The following DLC1 variants were observed in gnomAD, a reference collection of about 807,000 sequenced individuals.
The protein encoded by DLC1 is DLC1 Rho GTPase activating protein.
DLC1 carries 54 observed loss-of-function variants against 140.3 expected under a neutral mutation model. The ratio of observed to expected loss-of-function variants is 0.38; its 90% CI spans 0.31 to 0.48. DLC1 has a LOEUF of 0.48. Among genes scored for constraint, DLC1 ranks in the 20% least tolerant of loss-of-function variants. The pLI is 0.96. For missense variants in DLC1, 2,536 were observed against 1,907.0 expected, an observed-to-expected ratio of 1.33 and a Z score of -6.14; for synonymous variants, 986 against 728.1, an observed-to-expected ratio of 1.35 and a Z score of -5.70.
rs1196494187 is a variant in DLC1 at position 13,312,594 on chromosome 8, C to G, written c.1315-7292G>C. ...AGAATTTAATAAATCATGTCTTTCT[C>G]TATGTTACTATTAAAGTTTATTCCA... On this transcript the variant is annotated intron_variant, in intron 4 of 17. Coordinates refer to ENST00000276297, the MANE Select transcript of DLC1 (RefSeq NM_182643.3). Among the ~76,000 whole-genome samples, 4 of 151,896 alleles carry G rather than the reference C, an allele frequency of 2.6e-5. No individual in the cohort carries two copies. In the East Asian group the frequency reaches 5.8e-4, roughly 22 times the overall value.
At position 13,221,724 on chromosome 8, in the gene DLC1, G is replaced by GTA. The variant is rs1311540477; in HGVS notation, c.1348+83544_1348+83545insTA. On this transcript the variant is annotated intron_variant, in intron 5 of 17. Transcript: ENST00000276297. ...TATGTGTGTGTATATGTGTGTGTGTGTGTATATATATATATATATATGATA... is the reference window on the plus strand; with the variant it reads ...TATGTGTGTGTATATGTGTGTGTGTGTATGTATATATATATATATATATGATA... Among the ~76,000 whole-genome samples, 918 of 132,950 alleles carry GTA rather than the reference G, an allele frequency of 6.9e-3. 3 individuals are homozygous for GTA. The highest frequency in any genetic ancestry group is 0.015 in the Middle Eastern group (4 of 268). 87.2% of individuals were successfully genotyped at this position (132,950 alleles called of 152,430 possible).
intron 2 of DLC1, among the ~76,000 whole-genome samples, chr8:13,428,518 A>G (rs1585091453): frequency 6.6e-6 from 1 of 152,284 alleles, no homozygotes; most frequent in South Asian, 2.1e-4. Flanking sequence ...GATTTAACCA[A>G]TCATTTCTCG....
intron 4 of DLC1, among the ~76,000 whole-genome samples, chr8:13,371,385 CTCTCTG>C (rs779938640): frequency 1.3e-5 from 2 of 151,978 alleles, no homozygotes; most frequent in Non-Finnish European, 2.9e-5. Flanking sequence ...CTGTTTCTAT[CTCTCTG>C]TCTCTGTCTC....
intron 1 of DLC1, among the ~76,000 whole-genome samples, chr8:13,592,731 G>C (rs1458196559): frequency 2.0e-5 from 3 of 152,094 alleles, no homozygotes; most frequent in African/African-American, 7.2e-5. Context: ...GCAGTGTTCA[G>C]CAGAGGACAC....
At chr8:13,440,007 A>G (rs900139427) in intron 2 of DLC1, among the ~76,000 whole-genome samples, 2 of 152,192 alleles carry the variant, frequency 1.3e-5, no homozygotes, top group African/African-American at 4.8e-5. Flanking sequence ...AAGCCTATTC[A>G]CTGAACATTC....
At chr8:13,541,843 C>T (rs1803496565) in intron 1 of DLC1, among the ~76,000 whole-genome samples, 1 of 152,178 alleles carries the variant, frequency 6.6e-6, no homozygotes, top group South Asian at 2.1e-4. Context: ...ACCACCTCAC[C>T]CAGCTGATTT....
intron 4 of DLC1, among the ~76,000 whole-genome samples, chr8:13,327,406 A>G (rs1176237863): frequency 6.6e-6 from 1 of 151,536 alleles, no homozygotes; most frequent in East Asian, 1.9e-4. Context: ...ACATTTTGCT[A>G]GTGTTTTGTG....
At chr8:13,559,330 C>T (rs1426778609) in intron 1 of DLC1, 1 of 152,200 alleles carries the variant, frequency 6.6e-6, no homozygotes, top group East Asian at 1.9e-4. Flanking sequence ...GCATGGAAGG[C>T]TCTAAAGAAA....
chr8:13,279,079 C>T (rs527752773), intron 5 of DLC1, among the ~76,000 whole-genome samples: 1 of 152,138 alleles, frequency 6.6e-6, no homozygotes, highest in Non-Finnish European at 1.5e-5. Flanking sequence ...TAGGCTCAGT[C>T]GATACTAAGC....
intron 1 of DLC1, among the ~76,000 whole-genome samples, chr8:13,527,423 T>C (rs527385379): frequency 6.6e-6 from 1 of 152,318 alleles, no homozygotes; most frequent in Non-Finnish European, 1.5e-5. Flanking sequence ...GTTAGACAAA[T>C]GTTGCATTCC....
chr8:13,104,141 A>G (rs1020785408), intron 7 of DLC1, among the ~76,000 whole-genome samples: 1 of 152,262 alleles, frequency 6.6e-6, no homozygotes, highest in Middle Eastern at 3.4e-3. Context: ...AATGTGTGCT[A>G]TAGTCACGGC....
At chr8:13,512,933 T>C (rs1802441455) in intron 1 of DLC1, among the ~76,000 whole-genome samples, 1 of 151,356 alleles carries the variant, frequency 6.6e-6, no homozygotes, top group Non-Finnish European at 1.5e-5. Context: ...AGGATTTTTT[T>C]CCCCACATAA....
intron 2 of DLC1, among the ~76,000 whole-genome samples, chr8:13,422,679 T>A (rs1838372514): frequency 6.6e-6 from 1 of 152,116 alleles, no homozygotes; most frequent in African/African-American, 2.4e-5. Flanking sequence ...TTTTCTTTTA[T>A]TTTTTCTTTC....
Position 13,473,180 on chromosome 8 carries a change from C to T in DLC1, c.1023+25869G>A, listed in dbSNP as rs141314835. 6.3e-3 allele frequency among the ~76,000 whole-genome samples: 966 copies of T among 152,234 alleles called. 16 individuals are homozygous for T. Among genetic ancestry groups the T allele is most frequent in the African/African-American group, 0.021 (865 of 41,528 alleles). Reference sequence around the variant, plus strand: ...TACCATCTGCATGGAAACAGGAAGACAGGTTTTCAGTAGAGAATTCTTGAA... The same window carrying T: ...TACCATCTGCATGGAAACAGGAAGATAGGTTTTCAGTAGAGAATTCTTGAA... On this transcript the variant is annotated intron_variant, in intron 2 of 17. Coordinates refer to ENST00000276297, the MANE Select transcript of DLC1 (RefSeq NM_182643.3).
chr8:13,126,433 T>C (rs1212569322), intron 5 of DLC1, among the ~76,000 whole-genome samples: 1 of 151,980 alleles, frequency 6.6e-6, no homozygotes, highest in Admixed American at 6.6e-5. Context: ...ACGTCAAATA[T>C]TTATGCAGTT....
chr8:13,568,055 G>A, intron 1 of DLC1: 1 of 1,265,450 alleles, frequency 7.9e-7, no homozygotes, highest in Non-Finnish European at 1.1e-6. Flanking sequence ...ACAGATTTGA[G>A]GACTAAGAAC....
chr8:13,109,379 A>G (rs1819871505), intron 7 of DLC1, among the ~76,000 whole-genome samples: 1 of 151,892 alleles, frequency 6.6e-6, no homozygotes, highest in Admixed American at 6.6e-5. Flanking sequence ...CAACACAGCA[A>G]GACCGCATCT....
At chr8:13,181,899 G>A (rs1201271579) in intron 5 of DLC1, among the ~76,000 whole-genome samples, 6 of 152,176 alleles carry the variant, frequency 3.9e-5, no homozygotes, top group Non-Finnish European at 5.9e-5. Context: ...CTAGATCCTC[G>A]AGGAATCACC....
chr8:13,421,212 A>T (rs1563332801), intron 2 of DLC1, among the ~76,000 whole-genome samples: 1 of 152,138 alleles, frequency 6.6e-6, no homozygotes, highest in Non-Finnish European at 1.5e-5. Flanking sequence ...CTTTTTGATG[A>T]TAAGTAATCA....
Sources: allele counts gnomAD v4.1 joint callset (sites outside exome capture counted in the v4.1 genomes callset), GRCh38; gene constraint gnomAD v4.1.1; transcripts MANE v1.5; gene names NCBI Gene and HGNC (gene_info 2026-07-23, HGNC 2026-07-21).